The following CTTNBP2 variants were observed in gnomAD, a reference collection of about 807,000 sequenced individuals.
CTTNBP2 encodes cortactin binding protein 2, also known as cortactin-binding protein 2.
In CTTNBP2, 108 loss-of-function variants were observed where a neutral mutation model predicts 156.9. That is an observed-to-expected ratio of 0.69 (90% confidence interval 0.59 to 0.81). CTTNBP2 has a LOEUF of 0.81. Among genes scored for constraint, CTTNBP2 ranks in the 30% least tolerant of loss-of-function variants. CTTNBP2 has a pLI of 0.00. For missense variants in CTTNBP2, 1,924 were observed against 2,035.4 expected (o/e 0.95, Z 1.05); for synonymous variants, 767 against 751.8 (o/e 1.02, Z -0.33).
chr7:117,717,497 A>G (rs1454474278), intron 22 of CTTNBP2, among the ~76,000 whole-genome samples: 5 of 152,184 alleles, frequency 3.3e-5, no homozygotes, highest in Non-Finnish European at 4.4e-5. Flanking sequence ...GAAATACACA[A>G]TTCATAAATT....
intron 1 of CTTNBP2, among the ~76,000 whole-genome samples, chr7:117,862,184 A>G (rs1803803438): frequency 6.6e-6 from 1 of 152,106 alleles, no homozygotes; most frequent in Non-Finnish European, 1.5e-5. Context: ...TTTGGTTATC[A>G]AAGTGACTTC....
intron 2 of CTTNBP2, among the ~76,000 whole-genome samples, chr7:117,853,416 T>A (rs1803057109): frequency 6.6e-6 from 1 of 152,186 alleles, no homozygotes; most frequent in Non-Finnish European, 1.5e-5. Flanking sequence ...GCACACTGTA[T>A]ATGAGCACAC....
At chr7:117,869,385 C>G (rs1804425074) in intron 1 of CTTNBP2, among the ~76,000 whole-genome samples, 1 of 152,112 alleles carries the variant, frequency 6.6e-6, no homozygotes, top group Non-Finnish European at 1.5e-5. Flanking sequence ...TCTTGGTGAG[C>G]TTCTTTTCAT....
intron 2 of CTTNBP2, among the ~76,000 whole-genome samples, chr7:117,815,830 A>T (rs1210822641): frequency 6.6e-6 from 1 of 152,174 alleles, no homozygotes; most frequent in Non-Finnish European, 1.5e-5. Flanking sequence ...CCAGTTTATC[A>T]TCTGTGATTA....
rs567962501 is a variant in CTTNBP2, at chr7:117,795,056, G to A, written c.415-2275C>T. Among the ~76,000 whole-genome samples, 718 of 151,006 alleles carry A rather than the reference G, an allele frequency of 4.8e-3. 4 individuals are homozygous for A. The highest frequency in any genetic ancestry group is 0.013 in the African/African-American group (543 of 41,162). On this transcript the variant is annotated intron_variant, in intron 3 of 22. Coordinates refer to ENST00000160373, the MANE Select transcript of CTTNBP2 (RefSeq NM_033427.3). ...ACTACAGGCGCCCGCCACCGCGCCC[G>A]GCTAATTTTTTTTGTATTTTTAGTA...
At chr7:117,781,462 C>T (rs1235030465) in intron 6 of CTTNBP2, among the ~76,000 whole-genome samples, 1 of 152,112 alleles carries the variant, frequency 6.6e-6, no homozygotes, top group East Asian at 1.9e-4. Flanking sequence ...CAAATCCAGC[C>T]TGGCACGGTG....
At chr7:117,864,228 T>A (rs1803959262) in intron 1 of CTTNBP2, among the ~76,000 whole-genome samples, 1 of 152,130 alleles carries the variant, frequency 6.6e-6, no homozygotes, top group African/African-American at 2.4e-5. Flanking sequence ...GGTACAAGCA[T>A]TCTTGCTAAA....
rs1795641061 is a variant in CTTNBP2, at chr7:117,735,539, G to T, written c.3536-118C>A. 38 of 837,674 alleles carry T rather than the reference G, an allele frequency of 4.5e-5. No homozygotes were observed. In the South Asian group the frequency reaches 6.5e-4, roughly 14 times the overall value. 51.9% of individuals were successfully genotyped at this position (837,674 alleles called of 1,614,324 possible). On this transcript the variant is annotated intron_variant, in intron 14 of 22. Coordinates refer to ENST00000160373, the MANE Select transcript of CTTNBP2 (RefSeq NM_033427.3). ...AGCAAAGATGTGGTATAATGGGAAT[G>T]TTCTTAAATTGCTTGGGGAGTGAAC...
At position 117,777,723 on chromosome 7, in the gene CTTNBP2, C is replaced by T. The variant is rs765475972; in HGVS notation, c.2566G>A (p.Val856Met). ...TACATAAGAAGCTTGAGGCTGTCCA[C>T]ATTACCAGTGTCCACAGCTGCGTGA... The part of the protein sequence containing the change: ...PVHAAVDTGN[V>M]DSLKLLMYHR... Residue 856 changes from valine to methionine, a missense_variant, in exon 8 of 23, where the codon GTG (valine) becomes ATG (methionine). By Grantham distance (21) the Val-to-Met change is conservative (BLOSUM62 1). Coordinates refer to ENST00000160373, the MANE Select transcript of CTTNBP2 (RefSeq NM_033427.3). The T allele has an allele frequency of 2.5e-5, 41 of 1,613,878 alleles. No individual in the cohort carries two copies. Among genetic ancestry groups the T allele is most frequent in the Admixed American group, 5.0e-5 (3 of 60,000 alleles).
At chr7:117,734,870 A>G in intron 16 of CTTNBP2, 43 bp downstream of exon 16, 1 of 1,483,178 alleles carries the variant, frequency 6.7e-7, no homozygotes, top group Non-Finnish European at 9.1e-7. Flanking sequence ...GACAACAAAA[A>G]CCCCTGCTCT....
chr7:117,717,204 A>G (rs1794452166), intron 22 of CTTNBP2, among the ~76,000 whole-genome samples: 1 of 152,224 alleles, frequency 6.6e-6, no homozygotes, highest in African/African-American at 2.4e-5. Context: ...AGCTATTTCA[A>G]AAGGTTAAGG....
chr7:117,720,467 A>C (rs752271791), intron 20 of CTTNBP2, among the ~76,000 whole-genome samples: 15 of 152,190 alleles, frequency 9.9e-5, no homozygotes, highest in Non-Finnish European at 1.6e-4. Flanking sequence ...AGGCCTAGGC[A>C]GATGGATCAC....
chr7:117,734,801 G>A lies in CTTNBP2; in HGVS notation c.3876+112C>T, dbSNP rs557475536. 123 of 742,356 alleles carry A rather than the reference G, an allele frequency of 1.7e-4. No individual in the cohort carries two copies. The Middle Eastern group carries it at 2.3e-3, about 14-fold the overall frequency. The allele number at this position is 742,356 out of a possible 1,614,324, so 46.0% of individuals were successfully genotyped here. ...TTTTTTGGCCCTTGAATGTCAAAAA[G>A]CTGTACCTGCCCAAGGCTGCATAGT... is the stretch of plus-strand genomic sequence containing the variant. On this transcript the variant is annotated intron_variant, in intron 16 of 22. Coordinates refer to ENST00000160373, the MANE Select transcript of CTTNBP2 (RefSeq NM_033427.3).
chr7:117,741,072 TG>T (rs1795987912), intron 14 of CTTNBP2, among the ~76,000 whole-genome samples: 1 of 152,170 alleles, frequency 6.6e-6, no homozygotes, highest in Non-Finnish European at 1.5e-5. Context: ...GGGAACTGTC[TG>T]AATGGTTTTT....
chr7:117,796,210 C>T (rs961305538), intron 3 of CTTNBP2, among the ~76,000 whole-genome samples: 9 of 152,318 alleles, frequency 5.9e-5, no homozygotes, highest in East Asian at 1.9e-4. Context: ...CATTCTCTCC[C>T]GTCACCTCTG....
intron 22 of CTTNBP2, among the ~76,000 whole-genome samples, 181 bp from the exon 23 acceptor site, chr7:117,711,963 T>C (rs773648485): frequency 5.9e-5 from 9 of 152,340 alleles, no homozygotes; most frequent in Non-Finnish European, 1.2e-4. Flanking sequence ...ACTTACTGCA[T>C]GATTTTCATT....
intron 2 of CTTNBP2, among the ~76,000 whole-genome samples, chr7:117,842,995 G>A (rs1206098172): frequency 6.6e-6 from 1 of 152,160 alleles, no homozygotes; most frequent in Non-Finnish European, 1.5e-5. Context: ...TGTATTCATG[G>A]GCTGGGGATT....
intron 21 of CTTNBP2, among the ~76,000 whole-genome samples, chr7:117,718,839 T>C (rs1292886213): frequency 6.6e-6 from 1 of 152,218 alleles, no homozygotes; most frequent in Non-Finnish European, 1.5e-5. Flanking sequence ...AGATGACTGA[T>C]ATGCCAAAGT....
intron 14 of CTTNBP2, among the ~76,000 whole-genome samples, chr7:117,740,499 A>C (rs1486288090): frequency 6.6e-6 from 1 of 152,162 alleles, no homozygotes; most frequent in Non-Finnish European, 1.5e-5. Context: ...TAGAGAAAAT[A>C]AGGTTAACCA....
Sources: gnomAD v4.1 joint callset for allele counts (sites outside exome capture counted in the v4.1 genomes callset) on GRCh38, gnomAD v4.1.1 for gene constraint, MANE v1.5 for transcripts, NCBI Gene and HGNC (gene_info 2026-07-23, HGNC 2026-07-21) for gene names.